The following GK5 variants were observed in gnomAD, a reference collection of about 807,000 sequenced individuals.
GK5 encodes the protein glycerol kinase 5.
A neutral mutation model predicts 77.3 loss-of-function variants in GK5; 39 were observed. The ratio of observed to expected loss-of-function variants is 0.50; its 90% CI spans 0.39 to 0.66. The LOEUF (loss-of-function observed/expected upper bound fraction) is 0.66, where lower values mean the gene tolerates loss of function less well. Ranked by LOEUF, GK5 falls within the 30% of genes least tolerant of loss-of-function variation. GK5 has a pLI of 0.00. For synonymous variants in GK5, 211 were observed against 208.0 expected (o/e 1.01, Z -0.13); for missense variants, 487 against 633.8 (o/e 0.77, Z 2.49).
rs1553825247 is a variant in GK5, at chr3:142,159,853, C to CTCTCTTTTTTTTTTTT, written c.*5768_*5769insAAAAAAAAAAAAGAGA. 23 of 106,112 alleles carry CTCTCTTTTTTTTTTTT rather than the reference C, an allele frequency of 2.2e-4. No homozygotes were observed. The highest frequency in any genetic ancestry group is 3.2e-4 in the Non-Finnish European group (17 of 53,064). The allele number at this position is 106,112 out of a possible 1,614,324, so 6.6% of individuals were successfully genotyped here. ...TTTCTCTCTCTCTCTCTCTCTCTCT[C>CTCTCTTTTTTTTTTTT]TTTTTTTTTTTTGAGACAGAGTCTC... On this transcript the variant is annotated 3_prime_UTR_variant, in exon 16 of 16. Transcript: ENST00000392993.
At chr3:142,183,294 G>GTTGTT (rs747850142) in intron 9 of GK5, 1 of 303,564 alleles carries the variant, frequency 3.3e-6, no homozygotes, top group African/African-American at 2.2e-5. Context: ...TTGGTTTGTT[G>GTTGTT]TTGTTTTGTT....
chr3:142,213,717 G>T, intron 2 of GK5, 116 bp from the exon 3 acceptor site: 1 of 632,104 alleles, frequency 1.6e-6, no homozygotes, highest in Non-Finnish European at 2.7e-6. Context: ...CCTGGGTTTA[G>T]CATTCTAACA....
chr3:142,180,573 A>G (rs1012634672), intron 11 of GK5, among the ~76,000 whole-genome samples: 2 of 152,134 alleles, frequency 1.3e-5, no homozygotes, highest in Non-Finnish European at 2.9e-5. Context: ...AAGTGCTGGG[A>G]TTACAGGCGT....
rs1342546449 is a variant in GK5 at position 142,159,851 on chromosome 3, C to CTTTTTTTTTTTTTTTTTTTTT, written c.*5770_*5771insAAAAAAAAAAAAAAAAAAAAA. ...GCTTTCTCTCTCTCTCTCTCTCTCTCTCTTTTTTTTTTTTGAGACAGAGTC... is the reference window on the plus strand; with the variant it reads ...GCTTTCTCTCTCTCTCTCTCTCTCTCTTTTTTTTTTTTTTTTTTTTTTCTTTTTTTTTTTTGAGACAGAGTC... On this transcript the variant is annotated 3_prime_UTR_variant, in exon 16 of 16. Coordinates refer to ENST00000392993, the MANE Select transcript of GK5 (RefSeq NM_001039547.3). 6 of 86,976 alleles carry CTTTTTTTTTTTTTTTTTTTTT rather than the reference C, an allele frequency of 6.9e-5. No individual in the cohort carries two copies. Among genetic ancestry groups the CTTTTTTTTTTTTTTTTTTTTT allele is most frequent in the African/African-American group, 2.3e-4 (5 of 22,112 alleles). The allele number at this position is 86,976 out of a possible 1,614,324, so 5.4% of individuals were successfully genotyped here.
chr3:142,189,289 A>G (rs1001474910), intron 5 of GK5, among the ~76,000 whole-genome samples: 1 of 152,254 alleles, frequency 6.6e-6, no homozygotes, highest in African/African-American at 2.4e-5. Context: ...GATAAATTAT[A>G]CTTTAATAGT....
intron 10 of GK5, among the ~76,000 whole-genome samples, chr3:142,182,670 A>T (rs2063713139): frequency 6.6e-6 from 1 of 152,156 alleles, no homozygotes; most frequent in South Asian, 2.1e-4. Flanking sequence ...GTTTTGAACA[A>T]ATACAACATG....
chr3:142,186,134 C>G, intron 8 of GK5, 60 bp downstream of exon 8: 1 of 1,270,258 alleles, frequency 7.9e-7, no homozygotes, highest in Middle Eastern at 1.9e-4. Flanking sequence ...CTTTTCCCCA[C>G]GAAACAAAAT....
intron 1 of GK5, among the ~76,000 whole-genome samples, chr3:142,224,475 C>A (rs574303001): frequency 6.6e-6 from 1 of 152,212 alleles, no homozygotes; most frequent in African/African-American, 2.4e-5. Flanking sequence ...GGTGCATTGA[C>A]AATTGTGTAT....
At chr3:142,199,665 T>C (rs1233632839) in intron 4 of GK5, among the ~76,000 whole-genome samples, 3 of 151,864 alleles carry the variant, frequency 2.0e-5, no homozygotes, top group African/African-American at 4.8e-5. Flanking sequence ...CCTATACTTA[T>C]CTAATGATCA....
rs767066749 is a variant in GK5, at chr3:142,225,384, C to G, written c.72G>C (p.Leu24=). Residue 24 remains leucine (L), a synonymous_variant, in exon 1 of 16, where the codon CTG becomes CTC. Transcript: ENST00000392993. Reference sequence around the variant, plus strand: ...AGCGGATCACAGAACTGCCCACATCCAGCCCCAGCACGAAGCCGGGGTACC... The same window carrying G: ...AGCGGATCACAGAACTGCCCACATCGAGCCCCAGCACGAAGCCGGGGTACC... ...EPRYPGFVLG[L]DVGSSVIRCH... is the part of the protein sequence containing the mutation. 5.6e-6 allele frequency: 9 copies of G among 1,595,246 alleles called. No homozygotes were observed. The highest frequency in any genetic ancestry group is 1.7e-5 in the Admixed American group (1 of 58,050).
intron 14 of GK5, among the ~76,000 whole-genome samples, chr3:142,171,058 A>C (rs898498200): frequency 2.0e-5 from 3 of 152,032 alleles, no homozygotes; most frequent in Admixed American, 6.6e-5. Context: ...GCGAAACCCC[A>C]TCATTACTAA....
In GK5 at chr3:142,195,210, A is replaced by C. The variant is rs184755411; in HGVS notation, c.543+3592T>G. Among the ~76,000 whole-genome samples, 76 of 152,294 alleles carry C rather than the reference A, an allele frequency of 5.0e-4. 1 individual carries two copies. Among genetic ancestry groups the C allele is most frequent in the Middle Eastern group, 3.4e-3 (1 of 294 alleles). ...ATTTACCAGTTTTTATAAAAGATCC[A>C]TATTAATTGATTTTTTGAATGGTAA... On this transcript the variant is annotated intron_variant, in intron 5 of 15. Transcript: ENST00000392993.
At chr3:142,216,189 G>A (rs145388068) in intron 1 of GK5, among the ~76,000 whole-genome samples, 2 of 152,186 alleles carry the variant, frequency 1.3e-5, no homozygotes, top group African/African-American at 4.8e-5. Flanking sequence ...AACTGGTGGT[G>A]AGTTTCCCAT....
rs574117279 is a variant in GK5, at chr3:142,190,168, T to C, written c.544-2389A>G. 1.8e-3 allele frequency among the ~76,000 whole-genome samples: 276 copies of C among 152,202 alleles called. 1 individual carries two copies. Among genetic ancestry groups the C allele is most frequent in the African/African-American group, 6.0e-3 (249 of 41,518 alleles). ...ACATTAGAAACAATTGAAGAGTGAA[T>C]AATAGATTGGAAGACAGGTTGGAAT... On this transcript the variant is annotated intron_variant, in intron 5 of 15. Coordinates refer to ENST00000392993, the MANE Select transcript of GK5 (RefSeq NM_001039547.3).
rs1314934667 is a variant in GK5 at position 142,172,388 on chromosome 3, A to C, written c.1212T>G (p.His404Gln). Residue 404 changes from histidine to glutamine, a missense_variant, in exon 13 of 16, where the codon CAT becomes CAG. His to Gln is a conservative substitution (Grantham distance 24). Transcript: ENST00000392993. Reference sequence around the variant, plus strand: ...TTGACTCCAATATTGCTCGTACAAGATGGTATTTACTGGTAGAAGGCTTCA... The same window carrying C: ...TTGACTCCAATATTGCTCGTACAAGCTGGTATTTACTGGTAGAAGGCTTCA... Reference protein sequence around the residue: ...MGLKPSTSKYHLVRAILESIA... With the variant: ...MGLKPSTSKYQLVRAILESIA... The C allele has an allele frequency of 2.5e-6, 4 of 1,603,532 alleles. No homozygotes were observed. The highest frequency in any genetic ancestry group is 3.4e-6 in the Non-Finnish European group (4 of 1,173,068).
At chr3:142,219,705 G>A (rs2064316988) in intron 1 of GK5, among the ~76,000 whole-genome samples, 1 of 152,194 alleles carries the variant, frequency 6.6e-6, no homozygotes, top group Non-Finnish European at 1.5e-5. Flanking sequence ...TTTGTATGCT[G>A]GATGCAGTGG....
intron 5 of GK5, among the ~76,000 whole-genome samples, chr3:142,197,900 G>A (rs2063958038): frequency 6.6e-6 from 1 of 151,988 alleles, no homozygotes; most frequent in Non-Finnish European, 1.5e-5. Flanking sequence ...GCATGCGCCT[G>A]TAATCCCAGC....
At chr3:142,167,904 T>G (rs200968905) in intron 15 of GK5, among the ~76,000 whole-genome samples, 1 of 152,218 alleles carries the variant, frequency 6.6e-6, no homozygotes, top group African/African-American at 2.4e-5. Context: ...CCCAGCTACT[T>G]GGGAGGCTGA....
intron 5 of GK5, among the ~76,000 whole-genome samples, chr3:142,196,151 TTC>T (rs1334763929): frequency 6.6e-6 from 1 of 152,186 alleles, no homozygotes; most frequent in Non-Finnish European, 1.5e-5. Flanking sequence ...TCCTTTTTAT[TTC>T]TGTGAGGTCA....
Sources: gnomAD v4.1 joint callset for allele counts (sites outside exome capture counted in the v4.1 genomes callset) on GRCh38, gnomAD v4.1.1 for gene constraint, MANE v1.5 for transcripts, NCBI Gene and HGNC (gene_info 2026-07-23, HGNC 2026-07-21) for gene names.